The following DYTN variants were observed in gnomAD, a reference collection of about 807,000 sequenced individuals.
The protein encoded by DYTN is dystrotelin.
DYTN carries 75 observed loss-of-function variants against 69.6 expected under a neutral mutation model. That is an observed-to-expected ratio of 1.08 (90% CI 0.89 to 1.31). The LOEUF is 1.31. Among genes scored for constraint, DYTN ranks in the 50% most tolerant of loss-of-function variants. The probability of loss-of-function intolerance (pLI) is 0.00; values close to 1 mark genes in which losing one functional copy is unlikely to be tolerated. For synonymous variants in DYTN, 252 were observed against 249.1 expected (o/e 1.01, Z -0.11); for missense variants, 726 against 688.4 (o/e 1.05, Z -0.61).
intron 9 of DYTN, among the ~76,000 whole-genome samples, chr2:206,680,709 A>T (rs1233161704): frequency 4.6e-5 from 7 of 152,256 alleles, no homozygotes; most frequent in African/African-American, 1.7e-4. Flanking sequence ...TCTTGTGTAT[A>T]TTTTAATGAC....
Position 206,707,503 on chromosome 2 carries a change from A to G in DYTN, c.95T>C (p.Leu32Ser), listed in dbSNP as rs1318758859. Residue 32 changes from leucine to serine, a missense_variant and splice_region_variant, in exon 3 of 12, where the codon TTG becomes TCG. Physicochemically the swap from Leu to Ser is moderately radical, Grantham distance 145 (BLOSUM62 -2). Transcript: ENST00000452335. ...AATCAGGGAGCTGTCAATCAAGTCC[A>G]CTGTAGGAAGCAAATGAAGAATTGA... ...KLQSVQTLCQ[L>S]DLIDSSLIQQ... The G allele has an allele frequency of 1.2e-6, 2 of 1,606,736 alleles. No individual in the cohort carries two copies. The highest frequency in any genetic ancestry group is 1.7e-6 in the Non-Finnish European group (2 of 1,176,662).
At chr2:206,675,511 A>G (rs1409758058) in intron 9 of DYTN, among the ~76,000 whole-genome samples, 1 of 151,890 alleles carries the variant, frequency 6.6e-6, no homozygotes, top group East Asian at 1.9e-4. Flanking sequence ...ATACAGTGGG[A>G]AAAGCCCCTA....
intron 3 of DYTN, 114 bp downstream of exon 3, chr2:206,707,184 CAAAG>C: frequency 7.8e-7 from 1 of 1,274,610 alleles, no homozygotes. Context: ...GAAAAACAAA[CAAAG>C]AAGACTTCTT....
rs755323368 is a variant in DYTN, at chr2:206,707,431, G to A, written c.167C>T (p.Ser56Phe). ...CTGAGAAAGTTGCTGCACAGAAAGG[G>A]AGTGCTTGCGAGCTTCCCAGAAACT... ...RPSFWEARKH[S>F]LSVQQLSQAL... The change falls in exon 3 of 12, where the codon TCC becomes TTC. Residue 56 changes from serine (S) to phenylalanine (F), a missense_variant. By Grantham distance (155) the Ser-to-Phe change is radical. Transcript: ENST00000452335. The A allele has an allele frequency of 2.5e-6, 4 of 1,613,082 alleles. No homozygotes were observed. In the East Asian group the frequency reaches 8.9e-5, roughly 36 times the overall value.
At chr2:206,694,745 G>C in intron 8 of DYTN, 21 bp downstream of exon 8, 1 of 1,565,712 alleles carries the variant, frequency 6.4e-7, no homozygotes, top group Non-Finnish European at 8.7e-7. Flanking sequence ...GAATAGTTTG[G>C]TATGTGACAT....
rs535214549 is a variant in DYTN at position 206,663,405 on chromosome 2, C to T, written c.1141-10G>A. ...GTGGCTGCAACCTTGCCTGGGGAAA[C>T]AAAACTTTATTTATGAAGAAATTAA... On this transcript the variant is annotated splice_polypyrimidine_tract_variant and intron_variant, in intron 10 of 11. Transcript: ENST00000452335. 28 of 1,557,542 alleles carry T rather than the reference C, an allele frequency of 1.8e-5. No homozygotes were observed. The East Asian group carries it at 5.6e-4, about 31-fold the overall frequency.
intron 9 of DYTN, among the ~76,000 whole-genome samples, chr2:206,677,162 G>T (rs1699699384): frequency 6.6e-6 from 1 of 152,038 alleles, no homozygotes; most frequent in South Asian, 2.1e-4. Flanking sequence ...TGGCCAAACT[G>T]GTCTCGAACT....
intron 4 of DYTN, 22 bp downstream of exon 4, chr2:206,705,766 C>G: frequency 6.2e-7 from 1 of 1,610,366 alleles, no homozygotes; most frequent in Non-Finnish European, 8.5e-7. Context: ...CTTTAGGACA[C>G]CCGCAGTCCT....
chr2:206,670,205 C>CAAT (rs1401462550), intron 9 of DYTN, among the ~76,000 whole-genome samples: 4 of 152,156 alleles, frequency 2.6e-5, no homozygotes, highest in Non-Finnish European at 4.4e-5. Context: ...ACACAAGAAT[C>CAAT]AATACTTCAC....
At chr2:206,681,186 T>C (rs1574594032) in intron 9 of DYTN, among the ~76,000 whole-genome samples, 1 of 151,978 alleles carries the variant, frequency 6.6e-6, no homozygotes, top group South Asian at 2.1e-4. Flanking sequence ...TCTATTGTTG[T>C]TGTATAGGAA....
Position 206,718,371 on chromosome 2 carries a change from A to G in DYTN, c.-92T>C, listed in dbSNP as rs576159057. 13 of 1,425,704 alleles carry G rather than the reference A, an allele frequency of 9.1e-6. No individual in the cohort carries two copies. The highest frequency in any genetic ancestry group is 1.3e-5 in the Non-Finnish European group (13 of 1,039,656). The allele number at this position is 1,425,704 out of a possible 1,614,324, so 88.3% of individuals were successfully genotyped here. A position where few individuals can be genotyped will look rare whatever the true frequency, so the allele number is the denominator to read the frequency against. On this transcript the variant is annotated 5_prime_UTR_variant, in exon 1 of 12. Transcript: ENST00000452335. ...AAGCAGAAGGTTTTGCAGCAGAGGA[A>G]TGAGGACAGGGGAACAAAAAGGCAA...
In DYTN at chr2:206,707,508, A is replaced by C. The variant is rs760689912; in HGVS notation, c.95-5T>G. On this transcript the variant is annotated splice_polypyrimidine_tract_variant and splice_region_variant and intron_variant, in intron 2 of 11. Coordinates refer to ENST00000452335, the MANE Select transcript of DYTN (RefSeq NM_001093730.1). Reference sequence around the variant, plus strand: ...GGGAGCTGTCAATCAAGTCCACTGTAGGAAGCAAATGAAGAATTGAGCCTT... The same window carrying C: ...GGGAGCTGTCAATCAAGTCCACTGTCGGAAGCAAATGAAGAATTGAGCCTT... The C allele has an allele frequency of 2.5e-6, 4 of 1,604,870 alleles. No individual in the cohort carries two copies. Among genetic ancestry groups the C allele is most frequent in the Non-Finnish European group, 3.4e-6 (4 of 1,175,682 alleles).
At chr2:206,703,490 A>G (rs1202580640) in intron 5 of DYTN, among the ~76,000 whole-genome samples, 1 of 152,180 alleles carries the variant, frequency 6.6e-6, no homozygotes, top group African/African-American at 2.4e-5. Context: ...AGAAGTATCT[A>G]TGCCTGATAT....
chr2:206,688,956 C>T (rs1574596924), intron 9 of DYTN, among the ~76,000 whole-genome samples: 1 of 151,888 alleles, frequency 6.6e-6, no homozygotes, highest in African/African-American at 2.4e-5. Flanking sequence ...TTTATTTTTC[C>T]ACCATCATTT....
chr2:206,659,878 G>A (rs1699493907), intron 11 of DYTN, among the ~76,000 whole-genome samples: 1 of 152,066 alleles, frequency 6.6e-6, no homozygotes, highest in Admixed American at 6.6e-5. Flanking sequence ...ATGTTTAAAT[G>A]CCTTAAGGAA....
intron 2 of DYTN, among the ~76,000 whole-genome samples, chr2:206,708,313 A>G (rs1298609191): frequency 1.3e-5 from 2 of 152,228 alleles, no homozygotes; most frequent in African/African-American, 2.4e-5. Flanking sequence ...CACTTGCACC[A>G]TCTGAGAGGT....
intron 11 of DYTN, among the ~76,000 whole-genome samples, chr2:206,660,887 C>T (rs1035671794): frequency 6.6e-6 from 1 of 152,164 alleles, no homozygotes; most frequent in Non-Finnish European, 1.5e-5. Flanking sequence ...CCCTCCAACA[C>T]TTATGGGCTG....
chr2:206,663,436 A>C, intron 10 of DYTN, 41 bp from the exon 11 acceptor site: 1 of 1,510,922 alleles, frequency 6.6e-7, no homozygotes, highest in South Asian at 1.4e-5. Flanking sequence ...ATTAATGTTT[A>C]TCTTACTTTT....
At chr2:206,672,001 C>T (rs1365686578) in intron 9 of DYTN, among the ~76,000 whole-genome samples, 1 of 152,202 alleles carries the variant, frequency 6.6e-6, no homozygotes, top group African/African-American at 2.4e-5. Context: ...TTAATAGACA[C>T]TATCCATTTG....
Sources: allele counts gnomAD v4.1 joint callset (sites outside exome capture counted in the v4.1 genomes callset), GRCh38; gene constraint gnomAD v4.1.1; transcripts MANE v1.5; gene names NCBI Gene and HGNC (gene_info 2026-07-23, HGNC 2026-07-21).